Variants in AHCYL2 observed in about 807,000 individuals in gnomAD.
The protein encoded by AHCYL2 is S-adenosylhomocysteine hydrolase-like protein 2.
AHCYL2 carries 28 observed loss-of-function variants against 81.4 expected under a neutral mutation model. That is an observed-to-expected ratio of 0.34 (90% confidence interval 0.25 to 0.47). The LOEUF (loss-of-function observed/expected upper bound fraction) is 0.47. AHCYL2 is among the 20% of genes least tolerant of loss of function. The probability of loss-of-function intolerance (pLI) is 1.00; values close to 1 mark genes in which losing one functional copy is unlikely to be tolerated. For synonymous variants in AHCYL2, 272 were observed against 290.2 expected (o/e 0.94, Z 0.64); for missense variants, 551 against 785.1 (o/e 0.70, Z 3.56).
intron 2 of AHCYL2, among the ~76,000 whole-genome samples, chr7:129,386,878 G>A (rs1278758260): frequency 2.6e-5 from 4 of 152,180 alleles, no homozygotes; most frequent in African/African-American, 9.7e-5. Flanking sequence ...AAATGATTAT[G>A]TATGTATATC....
intron 1 of AHCYL2, among the ~76,000 whole-genome samples, chr7:129,329,571 G>C (rs1319919522): frequency 6.6e-6 from 1 of 152,214 alleles, no homozygotes; most frequent in Non-Finnish European, 1.5e-5. Context: ...TTACACCAAG[G>C]CAGGAATGAA....
At chr7:129,321,604 T>TTAGTCTGTGG (rs2150788663) in intron 1 of AHCYL2, among the ~76,000 whole-genome samples, 1 of 152,312 alleles carries the variant, frequency 6.6e-6, no homozygotes, top group African/African-American at 2.4e-5. Flanking sequence ...GTGAGAAACA[T>TTAGTCTGTGG]TAGTCTGTGG....
At chr7:129,421,861 GTCTTA>G (rs1797133029) in intron 12 of AHCYL2, among the ~76,000 whole-genome samples, 1 of 152,232 alleles carries the variant, frequency 6.6e-6, no homozygotes, top group African/African-American at 2.4e-5. Flanking sequence ...GGAATCCACA[GTCTTA>G]TCTATATTCA....
At chr7:129,235,035 A>G (rs2150680450) in intron 1 of AHCYL2, among the ~76,000 whole-genome samples, 1 of 152,254 alleles carries the variant, frequency 6.6e-6, no homozygotes, top group East Asian at 1.9e-4. Context: ...CACTCCTGCT[A>G]TAATATTCTG....
intron 13 of AHCYL2, 167 bp from the exon 14 acceptor site, chr7:129,424,707 C>T: frequency 3.1e-6 from 2 of 649,286 alleles, no homozygotes; most frequent in South Asian, 3.8e-5. Flanking sequence ...TTAGTGGTTT[C>T]ATTTAAATGT....
chr7:129,394,458 T>C (rs1351023759), intron 4 of AHCYL2, among the ~76,000 whole-genome samples: 2 of 145,722 alleles, frequency 1.4e-5, no homozygotes, highest in African/African-American at 5.0e-5. Flanking sequence ...TTTTTTTTTT[T>C]TTTTTTGAGA....
intron 1 of AHCYL2, among the ~76,000 whole-genome samples, chr7:129,332,456 C>A (rs1334018291): frequency 6.6e-6 from 1 of 152,190 alleles, no homozygotes; most frequent in Non-Finnish European, 1.5e-5. Context: ...ATTCTGAGAT[C>A]TGAAGATGTA....
chr7:129,347,512 T>TAA (rs1793405063), intron 1 of AHCYL2, among the ~76,000 whole-genome samples: 1 of 152,190 alleles, frequency 6.6e-6, no homozygotes, highest in South Asian at 2.1e-4. Context: ...GTCAAATAAC[T>TAA]AAGGACTACT....
At chr7:129,270,157 T>C (rs1795958185) in intron 1 of AHCYL2, among the ~76,000 whole-genome samples, 1 of 152,196 alleles carries the variant, frequency 6.6e-6, no homozygotes. Flanking sequence ...TCAGTTCCTT[T>C]AGATCCTTCC....
rs534440134 is a variant in AHCYL2, at chr7:129,307,182, T to G, written c.364-72456T>G. Among the ~76,000 whole-genome samples, 17 of 152,284 alleles carry G rather than the reference T, an allele frequency of 1.1e-4. No homozygotes were observed. The South Asian group carries it at 3.3e-3, about 30-fold the overall frequency. On this transcript the variant is annotated intron_variant, in intron 1 of 16. Transcript: ENST00000325006. ...AGCCAGCTAGTCTTGTGCCTTTCCC[T>G]TCAGGGTGGCAAGTTCCCTTGGGCC...
At chr7:129,299,522 T>A (rs557846862) in intron 1 of AHCYL2, among the ~76,000 whole-genome samples, 109 of 151,212 alleles carry the variant, frequency 7.2e-4, no homozygotes, top group African/African-American at 2.5e-3. Flanking sequence ...GCCTCCCGAG[T>A]AGGTGGGACT....
At chr7:129,344,595 G>A (rs573356226) in intron 1 of AHCYL2, among the ~76,000 whole-genome samples, 2 of 152,258 alleles carry the variant, frequency 1.3e-5, no homozygotes, top group South Asian at 4.1e-4. Context: ...GTAGTGAGAT[G>A]AGTCAGCAAC....
intron 1 of AHCYL2, among the ~76,000 whole-genome samples, chr7:129,351,255 T>C (rs1178963517): frequency 4.6e-5 from 7 of 152,184 alleles, no homozygotes; most frequent in Non-Finnish European, 1.5e-5. Flanking sequence ...TGGATGATAG[T>C]GAAGTTACAG....
chr7:129,318,686 C>T (rs1287497302), intron 1 of AHCYL2, among the ~76,000 whole-genome samples: 9 of 151,936 alleles, frequency 5.9e-5, no homozygotes, highest in Non-Finnish European at 7.4e-5. Context: ...GAACTGTGGT[C>T]CTAGTAAAGT....
intron 1 of AHCYL2, among the ~76,000 whole-genome samples, chr7:129,290,987 C>G (rs4731569): frequency 2.0e-5 from 3 of 151,284 alleles, no homozygotes; most frequent in Non-Finnish European, 4.4e-5. Context: ...TGTTAACAGA[C>G]GTGGCATTGT....
intron 1 of AHCYL2, among the ~76,000 whole-genome samples, chr7:129,252,021 C>G (rs1795264708): frequency 6.6e-6 from 1 of 152,108 alleles, no homozygotes; most frequent in Admixed American, 6.5e-5. Flanking sequence ...GGATCTTGCA[C>G]AATTTAATGC....
chr7:129,340,005 G>T (rs1255535830), intron 1 of AHCYL2, among the ~76,000 whole-genome samples: 2 of 132,034 alleles, frequency 1.5e-5, no homozygotes, highest in African/African-American at 2.8e-5. Flanking sequence ...TGCAAGCTCC[G>T]CCTCCCGGGT....
intron 1 of AHCYL2, among the ~76,000 whole-genome samples, chr7:129,308,894 C>T (rs1797538405): frequency 6.6e-6 from 1 of 152,056 alleles, no homozygotes; most frequent in Non-Finnish European, 1.5e-5. Context: ...GGTTCTTAGT[C>T]TATTTTGGAA....
chr7:129,251,549 G>A (rs1318893885), intron 1 of AHCYL2, among the ~76,000 whole-genome samples: 2 of 151,898 alleles, frequency 1.3e-5, no homozygotes, highest in Non-Finnish European at 2.9e-5. Context: ...TCTCTTACAT[G>A]TGTGCATTTA....
Sources: allele counts gnomAD v4.1 joint callset (sites outside exome capture counted in the v4.1 genomes callset), GRCh38; gene constraint gnomAD v4.1.1; transcripts MANE v1.5; gene names NCBI Gene and HGNC (gene_info 2026-07-23, HGNC 2026-07-21).